SEM1: variants seen among roughly 807,000 people sequenced by gnomAD.
The protein encoded by SEM1 is SEM1 26S proteasome subunit, also known as 26S proteasome complex subunit SEM1.
In SEM1, 3 loss-of-function variants were observed where a neutral mutation model predicts 12.7. The ratio of observed to expected loss-of-function variants is 0.24; its 90% CI spans 0.11 to 0.61. The LOEUF is 0.61. SEM1 is among the 20% of genes least tolerant of loss of function. The probability of loss-of-function intolerance (pLI) is 0.88; values close to 1 mark genes in which losing one functional copy is unlikely to be tolerated. For missense variants in SEM1, 59 were observed against 81.3 expected (o/e 0.73, Z 1.06); for synonymous variants, 30 against 27.8 (o/e 1.08, Z -0.25).
intron 2 of SEM1, among the ~76,000 whole-genome samples, chr7:96,539,644 AT>A (rs1402962779): frequency 2.6e-5 from 4 of 151,796 alleles, no homozygotes; most frequent in African/African-American, 9.7e-5. Flanking sequence ...ATAAAATATG[AT>A]TTAAAATAAT....
At chr7:96,542,177 T>TGAATA (rs1804978346) in intron 2 of SEM1, among the ~76,000 whole-genome samples, 1 of 151,818 alleles carries the variant, frequency 6.6e-6, no homozygotes, top group African/African-American at 2.4e-5. Flanking sequence ...ATTGAACCTA[T>TGAATA]GGATTGATTT....
downstream of SEM1, among the ~76,000 whole-genome samples, chr7:96,683,981 A>G (rs192858173): frequency 3.6e-3 from 545 of 152,236 alleles, 3 homozygotes; most frequent in African/African-American, 0.013. Flanking sequence ...CCTATGTAAC[A>G]AACTTGCACA....
intron 2 of SEM1, among the ~76,000 whole-genome samples, chr7:96,579,372 T>G (rs968085828): frequency 3.3e-5 from 5 of 152,250 alleles, no homozygotes; most frequent in African/African-American, 1.2e-4. Context: ...GGGATCTGTT[T>G]CACCATTTGG....
At chr7:96,513,267 G>A (rs1344457443) in intron 2 of SEM1, among the ~76,000 whole-genome samples, 1 of 151,926 alleles carries the variant, frequency 6.6e-6, no homozygotes, top group African/African-American at 2.4e-5. Context: ...GCCCCAAGAA[G>A]GAACCAACCC....
At chr7:96,533,455 T>C (rs1039392011) in intron 2 of SEM1, among the ~76,000 whole-genome samples, 2 of 152,124 alleles carry the variant, frequency 1.3e-5, no homozygotes, top group Admixed American at 6.6e-5. Context: ...CTGTTTAATT[T>C]ATTTCACTTC....
intron 2 of SEM1, among the ~76,000 whole-genome samples, chr7:96,679,393 C>T (rs773574619): frequency 3.3e-5 from 5 of 151,962 alleles, no homozygotes; most frequent in African/African-American, 9.7e-5. Flanking sequence ...TTTTTGAGTA[C>T]GAGTTTTGAA....
At chr7:96,665,073 A>C (rs1789134017) in intron 2 of SEM1, among the ~76,000 whole-genome samples, 1 of 152,160 alleles carries the variant, frequency 6.6e-6, no homozygotes. Flanking sequence ...CTGGGATCTC[A>C]GTTCTGAACT....
chr7:96,539,810 C>T (rs1406260887), intron 2 of SEM1, among the ~76,000 whole-genome samples: 2 of 151,576 alleles, frequency 1.3e-5, no homozygotes, highest in Non-Finnish European at 2.9e-5. Context: ...AATGTTAAGA[C>T]AGCTCTCCTA....
chr7:96,555,115 T>C (rs1805438931), intron 2 of SEM1, among the ~76,000 whole-genome samples: 2 of 151,134 alleles, frequency 1.3e-5, no homozygotes, highest in East Asian at 3.9e-4. Context: ...TTGCTAGCGA[T>C]CTATCAATTT....
At chr7:96,638,486 T>A (rs1166134948) in intron 2 of SEM1, among the ~76,000 whole-genome samples, 1 of 151,990 alleles carries the variant, frequency 6.6e-6, no homozygotes, top group Non-Finnish European at 1.5e-5. Flanking sequence ...AATGCATTTG[T>A]GATAAACTCA....
At chr7:96,552,403 A>G (rs1434185498) in intron 2 of SEM1, among the ~76,000 whole-genome samples, 3 of 150,956 alleles carry the variant, frequency 2.0e-5, no homozygotes, top group African/African-American at 7.3e-5. Flanking sequence ...ATGTGATCTC[A>G]TTGTTCAATT....
chr7:96,571,051 GGTT>G (rs1210473013), intron 2 of SEM1, among the ~76,000 whole-genome samples: 2 of 151,532 alleles, frequency 1.3e-5, no homozygotes, highest in South Asian at 2.1e-4. Flanking sequence ...TTTTTGATGG[GGTT>G]GTTATTTTCT....
chr7:96,551,772 A>C (rs1467414951), intron 2 of SEM1, among the ~76,000 whole-genome samples: 1 of 151,800 alleles, frequency 6.6e-6, no homozygotes, highest in Admixed American at 6.6e-5. Flanking sequence ...GTGAAGACAG[A>C]GGTAGATGTT....
intron 1 of SEM1, among the ~76,000 whole-genome samples, chr7:96,490,551 G>A (rs1402801771): frequency 6.6e-6 from 1 of 152,144 alleles, no homozygotes; most frequent in Non-Finnish European, 1.5e-5. Context: ...AATGATTGTT[G>A]TCCAGGAATT....
chr7:96,507,146 G>A (rs4503034), intron 2 of SEM1, among the ~76,000 whole-genome samples: 16,258 of 152,052 alleles, frequency 0.11, 915 homozygotes, highest in South Asian at 0.18. Flanking sequence ...ATTAACCTAT[G>A]TGGTATGTGG....
intron 1 of SEM1, among the ~76,000 whole-genome samples, chr7:96,705,738 T>C (rs1045297564): frequency 6.6e-6 from 1 of 151,072 alleles, no homozygotes; most frequent in Admixed American, 6.6e-5. Context: ...GAGAATGGTG[T>C]GAACCCAGGA....
chr7:96,605,468 C>G (rs983813500), intron 2 of SEM1, among the ~76,000 whole-genome samples: 2 of 152,178 alleles, frequency 1.3e-5, no homozygotes, highest in Non-Finnish European at 2.9e-5. Context: ...ATTTGGGGAG[C>G]TGGTCAGGAG....
intron 2 of SEM1, among the ~76,000 whole-genome samples, chr7:96,522,853 T>C (rs911537046): frequency 4.4e-5 from 6 of 136,438 alleles, no homozygotes; most frequent in African/African-American, 8.4e-5. Flanking sequence ...ATCACATCAT[T>C]GCACTCCAGC....
chr7:96,562,917 G>A lies in SEM1; in HGVS notation c.171-56219C>T, dbSNP rs181349739. Among the ~76,000 whole-genome samples the A allele has an allele frequency of 6.8e-3, 1,038 of 152,260 alleles. 4 individuals carry two copies. Among genetic ancestry groups the A allele is most frequent in the Non-Finnish European group, 0.011 (716 of 68,018 alleles). ...TTTCCTTCGTACATCCAAACTAGAG[G>A]ACTTTGCAAGCTAGGTTAAGGAGTT... On this transcript the variant is annotated intron_variant and NMD_transcript_variant, in intron 2 of 3. Coordinates refer to the SEM1 transcript ENST00000466986.
Sources: allele counts gnomAD v4.1 joint callset (sites outside exome capture counted in the v4.1 genomes callset), GRCh38; gene constraint gnomAD v4.1.1; transcripts MANE v1.5; gene names NCBI Gene and HGNC (gene_info 2026-07-23, HGNC 2026-07-21).